The following SMTN variants were observed in gnomAD, a reference collection of about 807,000 sequenced individuals.
SMTN encodes smoothelin.
SMTN carries 58 observed loss-of-function variants against 102.0 expected under a neutral mutation model. That is an observed-to-expected ratio of 0.57 (90% CI 0.46 to 0.71). The LOEUF is 0.71. Ranked by LOEUF, SMTN falls within the 30% of genes least tolerant of loss-of-function variation. The pLI is 0.00. For synonymous variants in SMTN, 478 were observed against 497.9 expected (o/e 0.96, Z 0.53); for missense variants, 1,185 against 1,241.7 (o/e 0.95, Z 0.69).
chr22:31,099,287 C>G, intron 18 of SMTN, 108 bp downstream of exon 18: 1 of 718,192 alleles, frequency 1.4e-6, no homozygotes, highest in South Asian at 1.8e-5. Context: ...CACTGTGTGG[C>G]CTCACAGGGA....
chr22:31,099,220 AC>A, intron 18 of SMTN, 41 bp downstream of exon 18: 1 of 1,322,566 alleles, frequency 7.6e-7, no homozygotes, highest in Non-Finnish European at 1.1e-6. Flanking sequence ...GCCTCCCCAG[AC>A]CCCAGCTCAA....
intron 2 of SMTN, chr22:31,085,248 G>A (rs1407340716): frequency 7.2e-6 from 11 of 1,523,576 alleles, no homozygotes; most frequent in South Asian, 6.0e-5. Context: ...GGTAGCGGGT[G>A]TCTTCCTACC....
chr22:31,094,078 G>GCATGACC (rs1359372235), intron 11 of SMTN, among the ~76,000 whole-genome samples: 1 of 152,188 alleles, frequency 6.6e-6, no homozygotes, highest in Non-Finnish European at 1.5e-5. Flanking sequence ...GCAGCCCCTG[G>GCATGACC]CATGACCCAG....
chr22:31,084,796 G>A (rs1050734411), intron 2 of SMTN, among the ~76,000 whole-genome samples: 1 of 152,242 alleles, frequency 6.6e-6, no homozygotes, highest in Non-Finnish European at 1.5e-5. Context: ...CCCCGGTCTC[G>A]GGATCGGTGC....
intron 1 of SMTN, among the ~76,000 whole-genome samples, chr22:31,075,467 G>T (rs1359959649): frequency 1.3e-5 from 2 of 152,122 alleles, no homozygotes; most frequent in Non-Finnish European, 2.9e-5. Flanking sequence ...GATCACCTCA[G>T]TTCAGGAGTT....
intron 2 of SMTN, chr22:31,084,959 A>T: frequency 7.1e-7 from 1 of 1,403,460 alleles, no homozygotes; most frequent in Non-Finnish European, 9.2e-7. Flanking sequence ...GGGCCATATA[A>T]GGAAAAGCTA....
At chr22:31,099,695 C>A in intron 18 of SMTN, 50 bp from the exon 19 acceptor site, 1 of 1,597,688 alleles carries the variant, frequency 6.3e-7, no homozygotes, top group South Asian at 1.1e-5. Context: ...GGGTAGACAG[C>A]AGGGGGGAGT....
intron 8 of SMTN, 131 bp from the exon 9 acceptor site, chr22:31,090,677 T>C: frequency 1.3e-6 from 1 of 751,280 alleles, no homozygotes; most frequent in Non-Finnish European, 2.4e-6. Flanking sequence ...AGAGGTGGGG[T>C]GGGGGTTGAG....
At chr22:31,077,654 C>A (rs2042162603), upstream of SMTN, among the ~76,000 whole-genome samples, 1 of 152,152 alleles carries the variant, frequency 6.6e-6, no homozygotes, top group Non-Finnish European at 1.5e-5. Flanking sequence ...CAGGCTGGCA[C>A]ATCCAGAACT....
At chr22:31,083,085 C>T (rs17822214) in intron 1 of SMTN, 94 bp from the exon 2 acceptor site, 91,717 of 1,506,672 alleles carry the variant, frequency 0.061, 3,195 homozygotes, top group Middle Eastern at 0.099. Context: ...GTAATGGACG[C>T]TCCTAGGTTA....
At chr22:31,089,553 CT>C (rs2042957995) in intron 6 of SMTN, 145 bp from the exon 7 acceptor site, 1 of 705,582 alleles carries the variant, frequency 1.4e-6, no homozygotes, top group Non-Finnish European at 2.4e-6. Flanking sequence ...AGTGCCAGTG[CT>C]TGCGCAGGTG....
chr22:31,082,482 A>G (rs1352542687), intron 1 of SMTN: 1 of 475,024 alleles, frequency 2.1e-6, no homozygotes, highest in African/African-American at 2.0e-5. Context: ...CTCCTTGCTC[A>G]GTGACAAATC....
chr22:31,088,328 CTGAG>C (rs1472949883), intron 3 of SMTN, 181 bp from the exon 4 acceptor site: 1 of 758,414 alleles, frequency 1.3e-6, no homozygotes, highest in Non-Finnish European at 2.1e-6. Context: ...GCCAGCACGT[CTGAG>C]TGTGTGGTAT....
At chr22:31,088,646 G>A in intron 4 of SMTN, 40 bp downstream of exon 4, 2 of 1,612,276 alleles carry the variant, frequency 1.2e-6, no homozygotes, top group African/African-American at 1.3e-5. Flanking sequence ...GGCAGGGCAG[G>A]TGAAGACCTG....
At chr22:31,092,492 C>G (rs1460300722) in intron 11 of SMTN, 1 of 471,202 alleles carries the variant, frequency 2.1e-6, no homozygotes, top group Non-Finnish European at 4.4e-6. Context: ...GGAGCTCAGC[C>G]GGGAAAGGGA....
At chr22:31,083,431 A>C in intron 2 of SMTN, 122 bp downstream of exon 2, 1 of 1,234,690 alleles carries the variant, frequency 8.1e-7, no homozygotes, top group Non-Finnish European at 1.1e-6. Context: ...GGAGGGGGAC[A>C]TGGGAACAGG....
chr22:31,077,182 C>T (rs2899158), upstream of SMTN, among the ~76,000 whole-genome samples: 17 of 152,214 alleles, frequency 1.1e-4, no homozygotes, highest in East Asian at 2.3e-3. Flanking sequence ...TCAAGGCAGG[C>T]GGATTTCTTG....
chr22:31,093,862 C>G (rs1199636322), intron 11 of SMTN: 2 of 1,577,488 alleles, frequency 1.3e-6, no homozygotes, highest in South Asian at 1.2e-5. Context: ...CGGCACCACC[C>G]GCAGCACTAG....
chr22:31,083,056 C>A, intron 1 of SMTN, 123 bp from the exon 2 acceptor site: 8 of 1,444,832 alleles, frequency 5.5e-6, no homozygotes, highest in Non-Finnish European at 7.6e-6. Context: ...AGCCAGGAGC[C>A]ACATTATAGG....
Sources: gnomAD v4.1 joint callset for allele counts (sites outside exome capture counted in the v4.1 genomes callset) on GRCh38, gnomAD v4.1.1 for gene constraint, MANE v1.5 for transcripts, NCBI Gene and HGNC (gene_info 2026-07-23, HGNC 2026-07-21) for gene names.